The following USP13 variants were observed in gnomAD, a reference collection of about 807,000 sequenced individuals.
The protein encoded by USP13 is ubiquitin specific peptidase 13.
USP13 carries 68 observed loss-of-function variants against 107.8 expected under a neutral mutation model. The observed-to-expected ratio is 0.63, with a 90% CI of 0.52 to 0.77. USP13 has a LOEUF of 0.77. Among genes scored for constraint, USP13 ranks in the 30% least tolerant of loss-of-function variants. USP13 has a pLI of 0.00. For missense variants in USP13, 945 were observed against 1,093.3 expected, an observed-to-expected ratio of 0.86 and a Z score of 1.91; for synonymous variants, 377 against 389.5, an observed-to-expected ratio of 0.97 and a Z score of 0.38.
rs1281387891 is a variant in USP13, at chr3:179,668,481, A to G, written c.169-13397A>G. On this transcript the variant is annotated intron_variant, in intron 1 of 20. Coordinates refer to ENST00000263966, the MANE Select transcript of USP13 (RefSeq NM_003940.3). ...AACCAAGATTTTGGATTTTGCAACT[A>G]TTGTATGCTGGTAATTCTGTTTTAC... Among the ~76,000 whole-genome samples, 4 of 152,228 alleles carry G rather than the reference A, an allele frequency of 2.6e-5. 1 individual carries two copies. The highest frequency in any genetic ancestry group is 9.6e-5 in the African/African-American group (4 of 41,464).
At chr3:179,706,854 T>G in intron 4 of USP13, 80 bp from the exon 5 acceptor site, 1 of 1,445,850 alleles carries the variant, frequency 6.9e-7, no homozygotes, top group East Asian at 2.4e-5. Flanking sequence ...AAATTCATAT[T>G]CTAGTGAATT....
intron 8 of USP13, 80 bp from the exon 9 acceptor site, chr3:179,730,109 T>C (rs1713745680): frequency 1.2e-5 from 16 of 1,354,292 alleles, no homozygotes; most frequent in Non-Finnish European, 1.7e-5. Context: ...AAGAAGGTCT[T>C]AGCAAGAATT....
chr3:179,730,794 G>A lies in USP13; in HGVS notation c.1254+85G>A, dbSNP rs1375461464. The A allele has an allele frequency of 3.9e-6, 5 of 1,281,814 alleles. No individual in the cohort carries two copies. In the African/African-American group the frequency reaches 7.4e-5, roughly 19 times the overall value. 79.4% of individuals were successfully genotyped at this position (1,281,814 alleles called of 1,614,324 possible). ...GTTTCCTATGATTTGGCACATGGTG[G>A]CCATAAATTTAGCAAGCTGTCAGAA... is the stretch of plus-strand genomic sequence containing the variant. On this transcript the variant is annotated intron_variant, in intron 10 of 20. Transcript: ENST00000263966.
intron 8 of USP13, among the ~76,000 whole-genome samples, chr3:179,724,439 C>G (rs1448874923): frequency 1.4e-5 from 2 of 141,920 alleles, no homozygotes; most frequent in Non-Finnish European, 3.0e-5. Context: ...GCCTGGGCAA[C>G]CAAGTGAGAC....
At chr3:179,677,670 T>C (rs1029589719) in intron 1 of USP13, among the ~76,000 whole-genome samples, 6 of 152,202 alleles carry the variant, frequency 3.9e-5, no homozygotes, top group African/African-American at 1.4e-4. Context: ...AAGACTATGA[T>C]TACTTAAGAA....
intron 1 of USP13, among the ~76,000 whole-genome samples, chr3:179,663,356 A>G (rs1369080599): frequency 6.6e-6 from 1 of 152,230 alleles, no homozygotes; most frequent in African/African-American, 2.4e-5. Flanking sequence ...TTGTGTGTAT[A>G]TACCGCATCT....
chr3:179,691,863 T>C lies in USP13; in HGVS notation c.355+1562T>C, dbSNP rs1576928960. On this transcript the variant is annotated intron_variant, in intron 3 of 20. Transcript: ENST00000263966. ...TCATATAATTATGGTCATATTAAGCTTCTGATATGGTTTTCTCAAGCGAAA... is the reference window on the plus strand; with the variant it reads ...TCATATAATTATGGTCATATTAAGCCTCTGATATGGTTTTCTCAAGCGAAA... Among the ~76,000 whole-genome samples, 4 of 152,210 alleles carry C rather than the reference T, an allele frequency of 2.6e-5. No homozygotes were observed. In the East Asian group the frequency reaches 7.7e-4, roughly 29 times the overall value.
Position 179,754,974 on chromosome 3 carries a change from T to C in USP13, c.1921+120T>C, listed in dbSNP as rs531776741. The C allele has an allele frequency of 4.6e-5, 62 of 1,349,878 alleles. No individual in the cohort carries two copies. In the African/African-American group the frequency reaches 9.1e-4, roughly 20 times the overall value. The allele number at this position is 1,349,878 out of a possible 1,614,324, so 83.6% of individuals were successfully genotyped here. A position where few individuals can be genotyped will look rare whatever the true frequency, so the allele number is the denominator to read the frequency against. On this transcript the variant is annotated intron_variant, in intron 15 of 20. Coordinates refer to ENST00000263966, the MANE Select transcript of USP13 (RefSeq NM_003940.3). Reference sequence around the variant, plus strand: ...CCACCCATTGGTGGTCTAGCTGCCTTGCTGTGATGTAACCCACCACCGACA... The same window carrying C: ...CCACCCATTGGTGGTCTAGCTGCCTCGCTGTGATGTAACCCACCACCGACA...
intron 19 of USP13, among the ~76,000 whole-genome samples, chr3:179,770,289 T>C (rs746121829): frequency 3.3e-4 from 51 of 152,336 alleles, no homozygotes; most frequent in Non-Finnish European, 6.5e-4. Context: ...TATTCGCCCC[T>C]TTTCTAACTC....
chr3:179,658,104 A>G (rs1176678852), intron 1 of USP13, among the ~76,000 whole-genome samples: 4 of 152,024 alleles, frequency 2.6e-5, no homozygotes, highest in Non-Finnish European at 4.4e-5. Flanking sequence ...ACAGGTGCCC[A>G]CCACCACGCC....
At chr3:179,770,881 CA>C (rs1177741046) in intron 19 of USP13, among the ~76,000 whole-genome samples, 1 of 152,170 alleles carries the variant, frequency 6.6e-6, no homozygotes, top group African/African-American at 2.4e-5. Context: ...GCTGGGATTA[CA>C]GGTGTGAGCC....
intron 15 of USP13, 142 bp downstream of exon 15, chr3:179,754,996 G>A (rs942107774): frequency 9.1e-7 from 1 of 1,102,238 alleles, no homozygotes; most frequent in African/African-American, 1.6e-5. Context: ...ACCCACCACC[G>A]ACACAGGAGG....
In USP13 at chr3:179,724,179, C is replaced by T. The variant is rs181216773; in HGVS notation, c.1088+2590C>T. Among the ~76,000 whole-genome samples, 26 of 151,592 alleles carry T rather than the reference C, an allele frequency of 1.7e-4. No individual in the cohort carries two copies. In the East Asian group the frequency reaches 4.5e-3, roughly 26 times the overall value. On this transcript the variant is annotated intron_variant, in intron 8 of 20. Transcript: ENST00000263966. ...GTCTTTAAAAAAATAATAAGAAGGC[C>T]GGGTGCAGTGGCTCACGCCTGTAAT...
At chr3:179,704,459 G>A (rs781599296) in intron 4 of USP13, among the ~76,000 whole-genome samples, 10 of 152,082 alleles carry the variant, frequency 6.6e-5, no homozygotes, top group Non-Finnish European at 1.3e-4. Context: ...TTTCCTTCAC[G>A]CCTGCCCTCT....
At chr3:179,770,789 G>A (rs1223966491) in intron 19 of USP13, among the ~76,000 whole-genome samples, 1 of 151,940 alleles carries the variant, frequency 6.6e-6, no homozygotes, top group East Asian at 1.9e-4. Context: ...ACTGTTTTTA[G>A]TACAGATGGG....
At chr3:179,714,820 C>T (rs1713049825) in intron 6 of USP13, among the ~76,000 whole-genome samples, 1 of 151,750 alleles carries the variant, frequency 6.6e-6, no homozygotes, top group African/African-American at 2.4e-5. Context: ...CCTTTCCTGA[C>T]TACAGTCTAG....
chr3:179,675,807 C>T (rs1279175778), intron 1 of USP13, among the ~76,000 whole-genome samples: 2 of 152,112 alleles, frequency 1.3e-5, no homozygotes, highest in Non-Finnish European at 2.9e-5. Flanking sequence ...CTTGGCCTCC[C>T]AAAGTGCTGG....
At chr3:179,771,002 G>A (rs1715326985) in intron 19 of USP13, among the ~76,000 whole-genome samples, 1 of 152,164 alleles carries the variant, frequency 6.6e-6, no homozygotes, top group Non-Finnish European at 1.5e-5. Flanking sequence ...GGTTTTAAGT[G>A]GCAAGAAGTC....
chr3:179,763,873 A>C (rs1715084697), intron 17 of USP13, 129 bp from the exon 18 acceptor site: 2 of 1,263,084 alleles, frequency 1.6e-6, no homozygotes, highest in South Asian at 1.7e-5. Context: ...GGCATGAGCC[A>C]CTGCGCCTGG....
Sources: gnomAD v4.1 joint callset for allele counts (sites outside exome capture counted in the v4.1 genomes callset) on GRCh38, gnomAD v4.1.1 for gene constraint, MANE v1.5 for transcripts, NCBI Gene and HGNC (gene_info 2026-07-23, HGNC 2026-07-21) for gene names.